Variants in AGAP3 observed in about 807,000 individuals in gnomAD.
The protein encoded by AGAP3 is arf-GAP with GTPase, ANK repeat and PH domain-containing protein 3.
In AGAP3, 24 loss-of-function variants were observed where a neutral mutation model predicts 96.9. The observed-to-expected ratio is 0.25, with a 90% CI of 0.18 to 0.35. The LOEUF (loss-of-function observed/expected upper bound fraction) is 0.35, where lower values mean the gene tolerates loss of function less well. Ranked by LOEUF, AGAP3 falls within the 10% of genes least tolerant of loss-of-function variation. The probability of loss-of-function intolerance (pLI) is 1.00; values close to 1 mark genes in which losing one functional copy is unlikely to be tolerated. For missense variants in AGAP3, 876 were observed against 1,254.2 expected (o/e 0.70, Z 4.55); for synonymous variants, 563 against 536.1 (o/e 1.05, Z -0.69).
chr7:151,101,264 G>A (rs1277871193), intron 1 of AGAP3, among the ~76,000 whole-genome samples: 1 of 152,216 alleles, frequency 6.6e-6, no homozygotes, highest in Non-Finnish European at 1.5e-5. Flanking sequence ...TGGCTGTCAG[G>A]CAGGCACTTG....
rs559998017 is a variant in AGAP3 at position 151,123,495 on chromosome 7, C to G, written c.1129-299C>G. The G allele has an allele frequency of 2.0e-4, 246 of 1,215,796 alleles. No individual in the cohort carries two copies. In the Middle Eastern group the frequency reaches 2.7e-3, roughly 13 times the overall value. The allele number at this position is 1,215,796 out of a possible 1,614,324, so 75.3% of individuals were successfully genotyped here. ...GCCCCACCGTCCACCTCCTCGCCCC[C>G]GCTTCTCTTACGCCCCCGCCCCGGG... On this transcript the variant is annotated intron_variant, in intron 8 of 17. Transcript: ENST00000397238.
intron 11 of AGAP3, chr7:151,137,861 A>G (rs1800662434): frequency 2.1e-6 from 1 of 470,740 alleles, no homozygotes; most frequent in Non-Finnish European, 3.7e-6. Flanking sequence ...CTCGTTCCAC[A>G]AGTTGGAAGA....
At chr7:151,132,457 G>A (rs1337917428) in intron 10 of AGAP3, among the ~76,000 whole-genome samples, 1 of 152,248 alleles carries the variant, frequency 6.6e-6, no homozygotes, top group Non-Finnish European at 1.5e-5. Context: ...AGCAGCAGTG[G>A]CAGGGAGTGT....
intron 9 of AGAP3, among the ~76,000 whole-genome samples, chr7:151,126,573 G>T (rs1043972306): frequency 6.7e-6 from 1 of 148,896 alleles, no homozygotes; most frequent in Non-Finnish European, 1.5e-5. Flanking sequence ...GGGGCGGGGG[G>T]TATTGGGGAT....
chr7:151,126,167 C>CG (rs527467046), intron 9 of AGAP3, among the ~76,000 whole-genome samples: 94 of 152,202 alleles, frequency 6.2e-4, no homozygotes, highest in African/African-American at 2.0e-3. Context: ...TTGCCGAGGA[C>CG]GGGGGCGTTC....
chr7:151,105,869 CTTTT>C (rs147301108), intron 1 of AGAP3, among the ~76,000 whole-genome samples: 1 of 116,278 alleles, frequency 8.6e-6, no homozygotes, highest in Non-Finnish European at 1.7e-5. Context: ...AGGTAAGAGT[CTTTT>C]TTTTTTTTTT....
At chr7:151,105,465 C>T (rs1188922283) in intron 1 of AGAP3, among the ~76,000 whole-genome samples, 1 of 151,720 alleles carries the variant, frequency 6.6e-6, no homozygotes, top group Admixed American at 6.6e-5. Context: ...TTTAAACAAT[C>T]AAGTATTATG....
chr7:151,122,580 CG>C, intron 8 of AGAP3: 1 of 898,902 alleles, frequency 1.1e-6, no homozygotes, highest in Non-Finnish European at 1.7e-6. Context: ...TCCTCTTCCT[CG>C]TCCTTCTCCT....
chr7:151,101,052 C>G (rs1036293620), intron 1 of AGAP3, among the ~76,000 whole-genome samples: 2 of 152,228 alleles, frequency 1.3e-5, no homozygotes, highest in South Asian at 2.1e-4. Context: ...CCACCTCCCC[C>G]GCTGGCACGC....
At chr7:151,115,845 C>CAGGAAAGGAAG in intron 1 of AGAP3, among the ~76,000 whole-genome samples, 1 of 152,310 alleles carries the variant, frequency 6.6e-6, no homozygotes, top group Middle Eastern at 3.4e-3. Context: ...GGGTGCGGCC[C>CAGGAAAGGAAG]AGGAAAGGAA....
At chr7:151,087,420 T>C (rs1455716032) in intron 1 of AGAP3, among the ~76,000 whole-genome samples, 1 of 152,032 alleles carries the variant, frequency 6.6e-6, no homozygotes, top group African/African-American at 2.4e-5. Context: ...CGGGGAGGCT[T>C]CTTAGCCGCT....
At position 151,142,939 on chromosome 7, in the gene AGAP3, G is replaced by A. The variant is rs1800877127; in HGVS notation, c.2273+305G>A. Among the ~76,000 whole-genome samples the A allele has an allele frequency of 6.6e-6, 1 of 152,206 alleles. No homozygotes were observed. The highest frequency in any genetic ancestry group is 2.1e-4 in the South Asian group (1 of 4,836). ...CGGAGCTCTGAGATGGGGAGAATGG[G>A]TGAGAGATAGGGGAGTGTGTGGCCC... On this transcript the variant is annotated intron_variant, in intron 16 of 17. Coordinates refer to ENST00000397238, the MANE Select transcript of AGAP3 (RefSeq NM_031946.7). This position sits in a 1 kb window ranked among gnomAD's most constrained non-coding sequence, Gnocchi z 7.5.
At chr7:151,115,012 G>A in intron 1 of AGAP3, 1 of 989,338 alleles carries the variant, frequency 1.0e-6, no homozygotes, top group African/African-American at 1.8e-5. Context: ...GGCCTCCTGC[G>A]CCCGCGCCTC....
rs142379518 is a variant in AGAP3 at position 151,136,962 on chromosome 7, C to T, written c.1496-1181C>T. 4.2e-4 allele frequency among the ~76,000 whole-genome samples: 64 copies of T among 152,296 alleles called. 1 individual carries two copies. The highest frequency in any genetic ancestry group is 4.7e-4 in the Non-Finnish European group (32 of 68,022). The stretch of plus-strand genomic sequence containing the variant: ...TTCTTCGGGGCCTGGAGATGGAGAC[C>T]GGCCTGTAGCCTCTGTGCTGCACGT... On this transcript the variant is annotated intron_variant, in intron 11 of 17. Transcript: ENST00000397238.
intron 7 of AGAP3, among the ~76,000 whole-genome samples, chr7:151,119,458 T>C (rs771926080): frequency 6.6e-6 from 1 of 152,248 alleles, no homozygotes; most frequent in Non-Finnish European, 1.5e-5. Context: ...TTGGGAGTCA[T>C]AGCTCTGTTC....
At chr7:151,117,827 A>G (rs1030603577) in intron 5 of AGAP3, 50 bp downstream of exon 5, 27 of 1,565,600 alleles carry the variant, frequency 1.7e-5, no homozygotes, top group African/African-American at 1.4e-4. Context: ...GTCCCGGGCA[A>G]CGATGCATGG....
chr7:151,117,917 C>T lies in AGAP3; in HGVS notation c.706+140C>T, dbSNP rs142633074. The T allele has an allele frequency of 1.3e-3, 1,623 of 1,209,902 alleles. 22 individuals carry two copies. In the African/African-American group the frequency reaches 0.022, roughly 16 times the overall value. 74.9% of individuals were successfully genotyped at this position (1,209,902 alleles called of 1,614,324 possible). On this transcript the variant is annotated intron_variant, in intron 5 of 17. Transcript: ENST00000397238. Reference sequence around the variant, plus strand: ...GCTGACTGGGACCCTCAGCACTCTCCGTGCTGCTCGTGTCTGAGGGCTTTT... The same window carrying T: ...GCTGACTGGGACCCTCAGCACTCTCTGTGCTGCTCGTGTCTGAGGGCTTTT...
chr7:151,115,753 G>A (rs1799546299), intron 1 of AGAP3: 2 of 652,738 alleles, frequency 3.1e-6, no homozygotes, highest in East Asian at 8.0e-5. Flanking sequence ...CGGGGTCTGG[G>A]GTCTGGACCG....
intron 1 of AGAP3, among the ~76,000 whole-genome samples, chr7:151,110,696 G>A (rs1367586945): frequency 6.6e-6 from 1 of 152,212 alleles, no homozygotes; most frequent in African/African-American, 2.4e-5. Flanking sequence ...TGGTGCTTAG[G>A]CCCGGGAGGA....
Sources: allele counts gnomAD v4.1 joint callset (sites outside exome capture counted in the v4.1 genomes callset), GRCh38; gene constraint gnomAD v4.1.1; non-coding constraint Gnocchi (gnomAD v3.1); transcripts MANE v1.5; gene names NCBI Gene and HGNC (gene_info 2026-07-23, HGNC 2026-07-21).